The following RGS7 variants were observed in gnomAD, a reference collection of about 807,000 sequenced individuals.
RGS7 encodes the protein regulator of G protein signaling 7.
In RGS7, 27 loss-of-function variants were observed where a neutral mutation model predicts 81.1. That is an observed-to-expected ratio of 0.33 (90% CI 0.25 to 0.46). The LOEUF is 0.46. Among genes scored for constraint, RGS7 ranks in the 20% least tolerant of loss-of-function variants. The pLI is 1.00. For synonymous variants in RGS7, 208 were observed against 207.7 expected (o/e 1.00, Z -0.01); for missense variants, 396 against 607.4 (o/e 0.65, Z 3.66).
intron 3 of RGS7, among the ~76,000 whole-genome samples, chr1:241,077,968 A>G (rs1558683840): frequency 6.6e-6 from 1 of 152,018 alleles, no homozygotes; most frequent in Non-Finnish European, 1.5e-5. Flanking sequence ...GCTGAATTAC[A>G]GGGTGGAAAG....
intron 2 of RGS7, among the ~76,000 whole-genome samples, chr1:241,154,914 T>G (rs2069004632): frequency 6.6e-6 from 1 of 152,010 alleles, no homozygotes; most frequent in Admixed American, 6.6e-5. Flanking sequence ...ATAAAAATAC[T>G]GTTCCAAGAG....
At chr1:240,913,668 T>C (rs1311234682) in intron 6 of RGS7, among the ~76,000 whole-genome samples, 6 of 152,114 alleles carry the variant, frequency 3.9e-5, no homozygotes, top group Admixed American at 3.9e-4. Context: ...TATATGAAAG[T>C]CCATCACTTC....
At chr1:240,795,764 T>A (rs1686949595) in intron 18 of RGS7, among the ~76,000 whole-genome samples, 1 of 152,162 alleles carries the variant, frequency 6.6e-6, no homozygotes, top group South Asian at 2.1e-4. Flanking sequence ...TTGGAAGACA[T>A]TTACAATGCA....
intron 2 of RGS7, among the ~76,000 whole-genome samples, chr1:241,308,849 C>A (rs1037066397): frequency 2.0e-5 from 3 of 152,080 alleles, no homozygotes; most frequent in African/African-American, 4.8e-5. Context: ...TTTTTCCCCC[C>A]AAAATGTTTG....
rs371826026 is a variant in RGS7 at position 240,885,685 on chromosome 1, G to C, written c.386-15566C>G. Among the ~76,000 whole-genome samples, 11 of 152,288 alleles carry C rather than the reference G, an allele frequency of 7.2e-5. No homozygotes were observed. The East Asian group carries it at 2.1e-3, about 29-fold the overall frequency. ...GCCACATGTTCTCACTTATAAGTGG[G>C]AGCTAAATGATGAGAACTCATGGAC... On this transcript the variant is annotated intron_variant, in intron 6 of 18. Transcript: ENST00000440928.
chr1:241,306,225 A>G (rs1431583294), intron 2 of RGS7, among the ~76,000 whole-genome samples: 1 of 150,496 alleles, frequency 6.6e-6, no homozygotes, highest in Non-Finnish European at 1.5e-5. Context: ...ACAAGCACAC[A>G]CTACTACACA....
At chr1:241,299,817 CT>C (rs1227620241) in intron 2 of RGS7, among the ~76,000 whole-genome samples, 43 of 15,708 alleles carry the variant, frequency 2.7e-3, no homozygotes, top group African/African-American at 3.7e-3. Flanking sequence ...TTTATTAGGC[CT>C]TTAAAAAAAA....
chr1:240,921,669 G>A (rs1485405193), intron 6 of RGS7, among the ~76,000 whole-genome samples: 3 of 151,990 alleles, frequency 2.0e-5, no homozygotes, highest in African/African-American at 7.2e-5. Flanking sequence ...ATTTATGTAA[G>A]CAGCAAAACT....
intron 6 of RGS7, among the ~76,000 whole-genome samples, chr1:240,909,023 C>G (rs1671297758): frequency 6.6e-6 from 1 of 152,204 alleles, no homozygotes; most frequent in African/African-American, 2.4e-5. Context: ...AGAAAGTCTG[C>G]CTGTCACATC....
intron 2 of RGS7, among the ~76,000 whole-genome samples, chr1:241,208,897 C>T (rs1432016189): frequency 1.3e-5 from 2 of 152,154 alleles, no homozygotes; most frequent in Non-Finnish European, 2.9e-5. Flanking sequence ...AACTGCTTAT[C>T]CTGTGCTGTA....
intron 3 of RGS7, among the ~76,000 whole-genome samples, chr1:241,010,048 G>C (rs1013234504): frequency 6.6e-6 from 1 of 152,130 alleles, no homozygotes; most frequent in African/African-American, 2.4e-5. Context: ...GTGTGGGGCT[G>C]GGGGAGGGAT....
chr1:241,220,559 G>C (rs1236700312), intron 2 of RGS7, among the ~76,000 whole-genome samples: 1 of 151,838 alleles, frequency 6.6e-6, no homozygotes, highest in Non-Finnish European at 1.5e-5. Context: ...GAAAATACTG[G>C]GAAAGAAATC....
At chr1:241,061,802 TC>T (rs1357133641) in intron 3 of RGS7, among the ~76,000 whole-genome samples, 1 of 152,176 alleles carries the variant, frequency 6.6e-6, no homozygotes, top group African/African-American at 2.4e-5. Context: ...TCCCAATACT[TC>T]CTGCTAGCCT....
Position 240,821,303 on chromosome 1 carries a change from T to C in RGS7, c.685-4888A>G, listed in dbSNP as rs954765725. On this transcript the variant is annotated intron_variant, in intron 10 of 18. Transcript: ENST00000440928. ...CCCCATCTCTACTAAAAATACAAAATGAGCAGGGTGTGGTGGCACATGCCT... is the reference window on the plus strand; with the variant it reads ...CCCCATCTCTACTAAAAATACAAAACGAGCAGGGTGTGGTGGCACATGCCT... Among the ~76,000 whole-genome samples, 5 of 151,874 alleles carry C rather than the reference T, an allele frequency of 3.3e-5. 1 individual carries two copies. Among genetic ancestry groups the C allele is most frequent in the African/African-American group, 1.2e-4 (5 of 41,328 alleles).
intron 2 of RGS7, among the ~76,000 whole-genome samples, chr1:241,339,938 C>G (rs1389711925): frequency 6.6e-6 from 1 of 152,154 alleles, no homozygotes; most frequent in Admixed American, 6.5e-5. Flanking sequence ...AGGTTTATCA[C>G]AGTTTCATAA....
At chr1:241,293,937 C>G (rs1346064081) in intron 2 of RGS7, among the ~76,000 whole-genome samples, 5 of 152,218 alleles carry the variant, frequency 3.3e-5, no homozygotes, top group African/African-American at 1.2e-4. Flanking sequence ...AATCCCATTG[C>G]TGGATATATA....
chr1:241,274,186 C>T (rs2078070770), intron 2 of RGS7, among the ~76,000 whole-genome samples: 1 of 152,322 alleles, frequency 6.6e-6, no homozygotes, highest in African/African-American at 2.4e-5. Flanking sequence ...GTACTTCCTA[C>T]ATCTATCCAG....
At chr1:240,896,172 TCTGGATATTAGCC>T (rs1356052129) in intron 6 of RGS7, among the ~76,000 whole-genome samples, 1 of 152,222 alleles carries the variant, frequency 6.6e-6, no homozygotes, top group Non-Finnish European at 1.5e-5. Context: ...CTTCATAGAT[TCTGGATATTAGCC>T]CTTTGTCAGA....
chr1:240,774,988 T>C (rs1682766112), downstream of RGS7, among the ~76,000 whole-genome samples: 1 of 152,172 alleles, frequency 6.6e-6, no homozygotes, highest in South Asian at 2.1e-4. Flanking sequence ...CACTACACCA[T>C]TTTATATTAG....
Sources: allele counts gnomAD v4.1 joint callset (sites outside exome capture counted in the v4.1 genomes callset), GRCh38; gene constraint gnomAD v4.1.1; transcripts MANE v1.5; gene names NCBI Gene and HGNC (gene_info 2026-07-23, HGNC 2026-07-21).